HERC2: variants seen among roughly 807,000 people sequenced by gnomAD.
HERC2 encodes HECT and RLD domain containing E3 ubiquitin protein ligase 2, also known as E3 ubiquitin-protein ligase HERC2.
In HERC2, 102 loss-of-function variants were observed where a neutral mutation model predicts 537.7. The ratio of observed to expected loss-of-function variants is 0.19; its 90% CI spans 0.16 to 0.22. The LOEUF is 0.22. Among genes scored for constraint, HERC2 ranks in the 10% least tolerant of loss-of-function variants. HERC2 has a pLI of 1.00. For synonymous variants in HERC2, 2,224 were observed against 2,466.2 expected, an observed-to-expected ratio of 0.90 and a Z score of 2.91; for missense variants, 4,236 against 6,198.2, an observed-to-expected ratio of 0.68 and a Z score of 10.63.
chr15:28,255,756 A>T, intron 19 of HERC2, 116 bp downstream of exon 19: 1 of 1,110,316 alleles, frequency 9.0e-7, no homozygotes, highest in Non-Finnish European at 1.3e-6. Flanking sequence ...TTTAAAAAAT[A>T]CTTGGATATG....
intron 7 of HERC2, chr15:28,273,302 AGAATATCT>A: frequency 2.2e-6 from 1 of 447,154 alleles, no homozygotes; most frequent in Non-Finnish European, 4.0e-6. Context: ...CATAAGTAGA[AGAATATCT>A]AGCTATCTTT....
intron 68 of HERC2, among the ~76,000 whole-genome samples, chr15:28,166,415 T>A (rs1409945449): frequency 6.6e-6 from 1 of 152,208 alleles, no homozygotes; most frequent in Non-Finnish European, 1.5e-5. Context: ...ATTATATAGA[T>A]AAATGCAGAA....
chr15:28,238,370 G>A (rs1415266321), intron 24 of HERC2, among the ~76,000 whole-genome samples, 153 bp from the exon 25 acceptor site: 1 of 152,148 alleles, frequency 6.6e-6, no homozygotes, highest in African/African-American at 2.4e-5. Flanking sequence ...AGGGTTGCCT[G>A]GGCCAACTCA....
At chr15:28,145,633 T>C (rs1302162038) in intron 71 of HERC2, among the ~76,000 whole-genome samples, 3 of 152,226 alleles carry the variant, frequency 2.0e-5, no homozygotes, top group Non-Finnish European at 4.4e-5. Flanking sequence ...CTGCATGTTG[T>C]TATGACAGAG....
chr15:28,124,465 G>A (rs1292056386), intron 84 of HERC2, among the ~76,000 whole-genome samples: 10 of 152,228 alleles, frequency 6.6e-5, no homozygotes, highest in Non-Finnish European at 1.3e-4. Flanking sequence ...TGTGAGGCAT[G>A]TACTAGCAGA....
At chr15:28,169,096 A>T (rs2140098101) in intron 66 of HERC2, among the ~76,000 whole-genome samples, 1 of 152,390 alleles carries the variant, frequency 6.6e-6, no homozygotes, top group South Asian at 2.1e-4. Flanking sequence ...GTGGGAAAGC[A>T]GCAGAAAAAT....
At position 28,218,606 on chromosome 15, in the gene HERC2, G is replaced by A. The variant is rs144780847; in HGVS notation, c.5911C>T (p.Leu1971=). 1 of 1,593,256 alleles carries A rather than the reference G, an allele frequency of 6.3e-7. No homozygotes were observed. Among genetic ancestry groups the A allele is most frequent in the African/African-American group, 1.3e-5 (1 of 74,716 alleles). ...CCAGCAGACAGACAAAGAGTCTGCA[G>A]TAAGTTAATAGTGCTGGTAAACATC... ...AMMFTSTINL[L]QTLCLSAGVH... Residue 1971 remains leucine, a synonymous_variant, in exon 38 of 93, where the codon CTG becomes TTG. Transcript: ENST00000261609.
intron 4 of HERC2, among the ~76,000 whole-genome samples, chr15:28,288,367 A>G (rs1269762019): frequency 2.0e-5 from 3 of 149,522 alleles, no homozygotes; most frequent in African/African-American, 7.4e-5. Context: ...CTCTACTCAA[A>G]AATACAAAAT....
At chr15:28,274,117 C>G (rs2075809200) in intron 7 of HERC2, among the ~76,000 whole-genome samples, 174 bp downstream of exon 7, 1 of 152,188 alleles carries the variant, frequency 6.6e-6, no homozygotes, top group South Asian at 2.1e-4. Flanking sequence ...TATCATAAAT[C>G]AAATCGCCTG....
At chr15:28,118,111 A>G (rs1299797535) in intron 86 of HERC2, 1 of 169,186 alleles carries the variant, frequency 5.9e-6, no homozygotes, top group Non-Finnish European at 1.3e-5. Flanking sequence ...CTGTAGAATG[A>G]ACTTGTCTGC....
At chr15:28,168,347 T>C in intron 67 of HERC2, 60 bp downstream of exon 67, 1 of 1,518,188 alleles carries the variant, frequency 6.6e-7, no homozygotes, top group South Asian at 1.2e-5. Context: ...GAGACTTTCC[T>C]AGACACAAAG....
chr15:28,248,278 C>G (rs1329140377), intron 21 of HERC2, among the ~76,000 whole-genome samples: 1 of 152,206 alleles, frequency 6.6e-6, no homozygotes, highest in Admixed American at 6.5e-5. Context: ...TGGAACAAAT[C>G]TGATAAATCT....
chr15:28,132,038 G>C (rs936504838), intron 81 of HERC2, 62 bp downstream of exon 81: 4 of 1,275,250 alleles, frequency 3.1e-6, no homozygotes, highest in African/African-American at 2.9e-5. Context: ...TCCCAGAGGG[G>C]CCCTGGGGGC....
chr15:28,178,752 T>C, intron 59 of HERC2, 135 bp downstream of exon 59: 1 of 1,007,024 alleles, frequency 9.9e-7, no homozygotes. Flanking sequence ...CACCTAGAGA[T>C]TTACATTATC....
Position 28,141,513 on chromosome 15 carries a change from G to A in HERC2, c.11934C>T (p.Pro3978=). The A allele has an allele frequency of 1.9e-6, 3 of 1,614,118 alleles. No individual in the cohort carries two copies. Among genetic ancestry groups the A allele is most frequent in the Non-Finnish European group, 2.5e-6 (3 of 1,180,016 alleles). ...GTCTGAGAGTTGCAAGGGCTTCACA[G>A]GGAGTGGGAACTTTGACTTTTGCGC... is the stretch of plus-strand genomic sequence containing the variant. The part of the protein sequence containing the change: ...IEGAKVKVPT[P]CEALATLRPV... Residue 3978 remains proline, a synonymous_variant, in exon 78 of 93, where the codon CCC becomes CCT. Coordinates refer to ENST00000261609, the MANE Select transcript of HERC2 (RefSeq NM_004667.6).
chr15:28,150,966 C>T (rs183809229), intron 70 of HERC2, among the ~76,000 whole-genome samples: 12 of 152,290 alleles, frequency 7.9e-5, no homozygotes, highest in Admixed American at 5.9e-4. Context: ...CCACTTCAGA[C>T]CCCACGAGGA....
Position 28,229,307 on chromosome 15 carries a change from G to T in HERC2, c.5160C>A (p.Ile1720=). 1 of 1,612,374 alleles carries T rather than the reference G, an allele frequency of 6.2e-7. No individual in the cohort carries two copies. Among genetic ancestry groups the T allele is most frequent in the Non-Finnish European group, 8.5e-7 (1 of 1,178,418 alleles). Residue 1720 remains isoleucine, a synonymous_variant, in exon 34 of 93, where the codon ATC becomes ATA. Transcript: ENST00000261609. ...CCAGCAGCATCCGATTAAAAGGCGG[G>T]ATCAAATCAACATCCTTTAAACAAT... ...LTDCLKDVDL[I]PPFNRMLLEV... is the part of the protein sequence containing the mutation.
chr15:28,309,340 T>C (rs2141262928), intron 2 of HERC2, among the ~76,000 whole-genome samples: 1 of 152,314 alleles, frequency 6.6e-6, no homozygotes, highest in South Asian at 2.1e-4. Flanking sequence ...CTGGGTGCTC[T>C]AGTGTTGAGT....
rs1011807815 is a variant in HERC2, at chr15:28,146,313, C to A, written c.10932G>T (p.Arg3644=). The change falls in exon 71 of 93, where the codon CGG becomes CGT. Residue 3644 remains arginine (R), a synonymous_variant. Coordinates refer to ENST00000261609, the MANE Select transcript of HERC2 (RefSeq NM_004667.6). The part of the protein sequence containing the change: ...GAEGLRVEFD[R]QCSTERRHDP... ...CGTGGCGCCTCTCTGTGGAGCACTG[C>A]CGGTCAAATTCTACCCTGAGTCCTT... is the stretch of plus-strand genomic sequence containing the variant. The A allele has an allele frequency of 1.9e-6, 3 of 1,613,850 alleles. No homozygotes were observed. The highest frequency in any genetic ancestry group is 2.7e-5 in the African/African-American group (2 of 74,858).
Sources: allele counts gnomAD v4.1 joint callset (sites outside exome capture counted in the v4.1 genomes callset), GRCh38; gene constraint gnomAD v4.1.1; transcripts MANE v1.5; gene names NCBI Gene and HGNC (gene_info 2026-07-23, HGNC 2026-07-21).